The following PDE8B variants were observed in gnomAD, a reference collection of about 807,000 sequenced individuals.
PDE8B encodes phosphodiesterase 8B, also known as high affinity cAMP-specific and IBMX-insensitive 3',5'-cyclic phosphodiesterase 8B.
In PDE8B, 26 loss-of-function variants were observed where a neutral mutation model predicts 101.3. The ratio of observed to expected loss-of-function variants is 0.26; its 90% CI spans 0.19 to 0.36. PDE8B has a LOEUF of 0.36. Among genes scored for constraint, PDE8B ranks in the 10% least tolerant of loss-of-function variants. The pLI, the probability that PDE8B is intolerant of heterozygous loss-of-function variation, is 1.00. For synonymous variants in PDE8B, 424 were observed against 429.3 expected, an observed-to-expected ratio of 0.99 and a Z score of 0.15; for missense variants, 810 against 1,163.1, an observed-to-expected ratio of 0.70 and a Z score of 4.42.
At chr5:77,166,914 A>T in the PDE8B span, 3 of 151,952 alleles carry the variant, frequency 2.0e-5, no homozygotes, top group African/African-American at 7.3e-5. Flanking sequence ...CCCAAAGACC[A>T]CTCTTTTCCC....
intron 10 of PDE8B, among the ~76,000 whole-genome samples, chr5:77,364,586 GAAGA>G (rs1440241190): frequency 6.6e-6 from 1 of 152,168 alleles, no homozygotes; most frequent in Non-Finnish European, 1.5e-5. Context: ...CCAGGAAACT[GAAGA>G]AAGTATGCAT....
chr5:77,155,312 C>T, the PDE8B span, among the ~76,000 whole-genome samples: 2 of 152,306 alleles, frequency 1.3e-5, no homozygotes, highest in Middle Eastern at 3.4e-3. Flanking sequence ...ACAATGTAGC[C>T]GCAGGCAGGT....
At chr5:77,407,327 C>A in intron 12 of PDE8B, 54 bp from the exon 13 acceptor site, 2 of 1,393,978 alleles carry the variant, frequency 1.4e-6, no homozygotes, top group Non-Finnish European at 1.0e-6. Flanking sequence ...CTTTGCTGCA[C>A]TTAGCCACAC....
chr5:77,318,401 T>C (rs1774308831), intron 2 of PDE8B, among the ~76,000 whole-genome samples: 1 of 152,196 alleles, frequency 6.6e-6, no homozygotes, highest in Admixed American at 6.5e-5. Context: ...TGCTGAGAGA[T>C]AGTAAGTTAC....
At chr5:77,376,512 A>G (rs1052566153) in intron 10 of PDE8B, among the ~76,000 whole-genome samples, 2 of 152,220 alleles carry the variant, frequency 1.3e-5, no homozygotes, top group African/African-American at 4.8e-5. Flanking sequence ...AGTAAATCCT[A>G]TGAATGCAGG....
chr5:77,273,376 T>C lies in PDE8B; in HGVS notation c.340-38618T>C, dbSNP rs180787459. On this transcript the variant is annotated intron_variant, in intron 1 of 21. Transcript: ENST00000264917. ...TTTTTCCTATGGGAAAATATGATCGTTTATTAATTTGGTTTTTTAAAATTT... is the reference window on the plus strand; with the variant it reads ...TTTTTCCTATGGGAAAATATGATCGCTTATTAATTTGGTTTTTTAAAATTT... Among the ~76,000 whole-genome samples, 353 of 152,330 alleles carry C rather than the reference T, an allele frequency of 2.3e-3. 4 individuals carry two copies. The highest frequency in any genetic ancestry group is 8.2e-3 in the African/African-American group (339 of 41,588).
At chr5:77,109,930 T>TTTTTTTTTTTTTTTTTTTTTTTTTTTTTG in the PDE8B span, among the ~76,000 whole-genome samples, 1 of 82,044 alleles carries the variant, frequency 1.2e-5, no homozygotes, top group African/African-American at 5.3e-5. Flanking sequence ...TATTTCAGTT[T>TTTTTTTTTTTTTTTTTTTTTTTTTTTTTG]TTTTTTTTTT....
chr5:77,232,850 G>T (rs951056146), intron 1 of PDE8B, among the ~76,000 whole-genome samples: 10 of 152,134 alleles, frequency 6.6e-5, no homozygotes, highest in African/African-American at 2.2e-4. Flanking sequence ...ATCTTTTAAT[G>T]ATAAAAATTT....
At chr5:77,115,254 A>G in the PDE8B span, 1 of 152,220 alleles carries the variant, frequency 6.6e-6, no homozygotes, top group Non-Finnish European at 1.5e-5. Flanking sequence ...AACTGGAGTG[A>G]GAGGAATGGA....
At chr5:77,201,064 G>A in the PDE8B span, among the ~76,000 whole-genome samples, 1 of 152,222 alleles carries the variant, frequency 6.6e-6, no homozygotes, top group Non-Finnish European at 1.5e-5. Flanking sequence ...TAAAGAAGCA[G>A]GGCCTTCAGG....
intron 1 of PDE8B, among the ~76,000 whole-genome samples, chr5:77,254,379 T>A (rs1337740213): frequency 1.3e-5 from 2 of 150,944 alleles, no homozygotes; most frequent in African/African-American, 4.9e-5. Flanking sequence ...TTTAGAAAAT[T>A]CAGTCATTAA....
At position 77,379,165 on chromosome 5, in the gene PDE8B, G is replaced by C. The variant is rs573481267; in HGVS notation, c.1168-21083G>C. Among the ~76,000 whole-genome samples the C allele has an allele frequency of 2.0e-5, 3 of 152,306 alleles. No individual in the cohort carries two copies. In the East Asian group the frequency reaches 5.8e-4, roughly 29 times the overall value. On this transcript the variant is annotated intron_variant, in intron 10 of 21. Transcript: ENST00000264917. Reference sequence around the variant, plus strand: ...GCACAAGTACTGGGAGCTAAGAGAAGTTATGACCAAGGGACAGTATAATAT... The same window carrying C: ...GCACAAGTACTGGGAGCTAAGAGAACTTATGACCAAGGGACAGTATAATAT...
intron 1 of PDE8B, among the ~76,000 whole-genome samples, chr5:77,298,137 T>G (rs941334750): frequency 2.0e-5 from 3 of 152,234 alleles, no homozygotes; most frequent in Non-Finnish European, 2.9e-5. Context: ...CTATCTCCCC[T>G]CAGGGGCCCT....
Position 77,426,484 on chromosome 5 carries a change from A to G in PDE8B, c.2588A>G (p.Asp863Gly), listed in dbSNP as rs1581667300. The change falls in exon 22 of 22, where the codon GAC (aspartate) becomes GGC (glycine). Residue 863 changes from aspartate to glycine, a missense_variant. By Grantham distance (94) the Asp-to-Gly change is moderately conservative (BLOSUM62 -1). Transcript: ENST00000264917. ...HLPALMQHLADNYKHWKTLDD... is the reference protein window; with the variant it reads ...HLPALMQHLAGNYKHWKTLDD... The stretch of plus-strand genomic sequence containing the variant: ...CCAGCCCTGATGCAACATTTGGCTG[A>G]CAACTACAAACACTGGAAGACACTA... The G allele has an allele frequency of 6.2e-7, 1 of 1,613,750 alleles. No homozygotes were observed. The highest frequency in any genetic ancestry group is 2.2e-5 in the East Asian group (1 of 44,866).
intron 1 of PDE8B, among the ~76,000 whole-genome samples, chr5:77,232,893 A>C (rs922780950): frequency 6.6e-6 from 1 of 152,210 alleles, no homozygotes; most frequent in African/African-American, 2.4e-5. Flanking sequence ...AAATAATACA[A>C]ATGCAATAAA....
intron 9 of PDE8B, 95 bp from the exon 10 acceptor site, chr5:77,353,251 G>A: frequency 1.3e-6 from 1 of 780,372 alleles, no homozygotes; most frequent in East Asian, 2.5e-5. Flanking sequence ...ACGAACCCTG[G>A]AGTTTAGCTT....
the PDE8B span, among the ~76,000 whole-genome samples, chr5:77,200,554 G>T: frequency 7.2e-6 from 1 of 139,532 alleles, no homozygotes; most frequent in African/African-American, 2.5e-5. Flanking sequence ...CAGGTGAAGG[G>T]CTTTTTTTTA....
chr5:77,338,317 A>C (rs921506758), intron 6 of PDE8B, among the ~76,000 whole-genome samples: 20 of 152,228 alleles, frequency 1.3e-4, no homozygotes, highest in African/African-American at 4.6e-4. Flanking sequence ...ATCGACATAA[A>C]CCCAGAGAAG....
intron 1 of PDE8B, among the ~76,000 whole-genome samples, chr5:77,227,024 C>T (rs941959403): frequency 6.6e-6 from 1 of 152,142 alleles, no homozygotes; most frequent in South Asian, 2.1e-4. Flanking sequence ...CAGTCAGCAC[C>T]CACAAAATGC....
Sources: allele counts gnomAD v4.1 joint callset (sites outside exome capture counted in the v4.1 genomes callset), GRCh38; gene constraint gnomAD v4.1.1; transcripts MANE v1.5; gene names NCBI Gene and HGNC (gene_info 2026-07-23, HGNC 2026-07-21).